DNAJB4: variants seen among roughly 807,000 people sequenced by gnomAD.
The protein encoded by DNAJB4 is DnaJ heat shock protein family (Hsp40) member B4.
DNAJB4 carries 10 observed loss-of-function variants against 26.6 expected under a neutral mutation model. That is an observed-to-expected ratio of 0.38 (90% CI 0.23 to 0.64). The LOEUF (loss-of-function observed/expected upper bound fraction) is 0.64. Among genes scored for constraint, DNAJB4 ranks in the 30% least tolerant of loss-of-function variants. DNAJB4 has a pLI of 0.58. For missense variants in DNAJB4, 328 were observed against 408.2 expected, an observed-to-expected ratio of 0.80 and a Z score of 1.69; for synonymous variants, 136 against 134.8, an observed-to-expected ratio of 1.01 and a Z score of -0.06.
chr1:77,994,067 A>G (rs1660003480), intron 1 of DNAJB4, among the ~76,000 whole-genome samples: 1 of 152,180 alleles, frequency 6.6e-6, no homozygotes, highest in Non-Finnish European at 1.5e-5. Flanking sequence ...AGTATACGAT[A>G]AAGTTAATTC....
At chr1:78,008,968 T>C (rs1660399006) in intron 1 of DNAJB4, among the ~76,000 whole-genome samples, 1 of 152,118 alleles carries the variant, frequency 6.6e-6, no homozygotes, top group Admixed American at 6.5e-5. Context: ...TTTTTTATGC[T>C]TTCCTTATTT....
intron 1 of DNAJB4, among the ~76,000 whole-genome samples, chr1:78,010,024 CT>C (rs1212387516): frequency 2.0e-5 from 3 of 152,172 alleles, no homozygotes; most frequent in Non-Finnish European, 4.4e-5. Flanking sequence ...GCATTGGAGT[CT>C]TTTTATCAGC....
In DNAJB4 at chr1:78,017,772, T is replaced by TTA; in HGVS notation, c.*1526_*1527insAT. On this transcript the variant is annotated 3_prime_UTR_variant, in exon 3 of 3. Transcript: ENST00000370763. ...ATAGACTCAAACAATATATGGCTTT[T>TTA]TTTTTTTTTGGTCTGGCCTCTTTCA... The TTA allele has an allele frequency of 1.3e-5, 2 of 151,876 alleles. No individual in the cohort carries two copies. The highest frequency in any genetic ancestry group is 3.9e-4 in the East Asian group (2 of 5,178). The allele number at this position is 151,876 out of a possible 1,614,324, so 9.4% of individuals were successfully genotyped here. A position where few individuals can be genotyped will look rare whatever the true frequency, so the allele number is the denominator to read the frequency against.
upstream of DNAJB4, chr1:77,979,205 C>G (rs1659371117): frequency 3.5e-6 from 2 of 572,808 alleles, no homozygotes; most frequent in African/African-American, 1.9e-5. Context: ...TGAGAAAGAA[C>G]GACAGGAACA....
intron 1 of DNAJB4, among the ~76,000 whole-genome samples, chr1:77,995,965 A>G (rs1261560718): frequency 1.3e-5 from 2 of 152,192 alleles, no homozygotes; most frequent in Admixed American, 1.3e-4. Context: ...AACAAAACAA[A>G]AAAAGAACTC....
intron 1 of DNAJB4, among the ~76,000 whole-genome samples, chr1:77,989,016 A>G (rs1659868720): frequency 6.6e-6 from 1 of 152,288 alleles, no homozygotes. Flanking sequence ...CATAATTGAC[A>G]TACTGAACTA....
rs866382850 is a variant in DNAJB4 at position 78,008,083 on chromosome 1, G to C, written c.211+2762G>C. Among the ~76,000 whole-genome samples, 3 of 152,186 alleles carry C rather than the reference G, an allele frequency of 2.0e-5. No individual in the cohort carries two copies. In the South Asian group the frequency reaches 6.2e-4, roughly 31 times the overall value. ...TAAAAACAGTTGGCTAGCTGGGTGA[G>C]GTGGCATATGCCTGTAGTCTCAGCT... On this transcript the variant is annotated intron_variant, in intron 1 of 2. Coordinates refer to ENST00000370763, the MANE Select transcript of DNAJB4 (RefSeq NM_007034.5).
At position 78,013,068 on chromosome 1, in the gene DNAJB4, G is replaced by A; in HGVS notation, c.229G>A (p.Gly77Arg). 6.2e-7 allele frequency: 1 copy of A among 1,609,676 alleles called. No homozygotes were observed. Among genetic ancestry groups the A allele is most frequent in the Non-Finnish European group, 8.5e-7 (1 of 1,177,774 alleles). The change falls in exon 2 of 3, where the codon GGA becomes AGA. Residue 77 changes from glycine (G) to arginine (R), a missense_variant. Physicochemically the swap from Gly to Arg is moderately radical, Grantham distance 125 (BLOSUM62 -2). Transcript: ENST00000370763. ...TCAATTAGGGTTGAAAGGAGGAGCA[G>A]GAGGTACTGATGGACAAGGAGGTAC... ...FGEEGLKGGAGGTDGQGGTFR... is the reference protein window; with the variant it reads ...FGEEGLKGGARGTDGQGGTFR...
chr1:77,986,436 C>T (rs1327487364), intron 1 of DNAJB4, among the ~76,000 whole-genome samples: 1 of 152,198 alleles, frequency 6.6e-6, no homozygotes. Context: ...TCCTAATGTA[C>T]TTCTTCCGTT....
chr1:78,007,641 A>G (rs1233422408), intron 1 of DNAJB4, among the ~76,000 whole-genome samples: 1 of 152,232 alleles, frequency 6.6e-6, no homozygotes, highest in Non-Finnish European at 1.5e-5. Context: ...ATTATTTTTT[A>G]GAATTATTCT....
chr1:78,004,985 A>G lies in DNAJB4; in HGVS notation c.-126A>G. 1 of 940,854 alleles carries G rather than the reference A, an allele frequency of 1.1e-6. No individual in the cohort carries two copies. The highest frequency in any genetic ancestry group is 1.6e-5 in the South Asian group (1 of 62,074). The allele number at this position is 940,854 out of a possible 1,614,324, so 58.3% of individuals were successfully genotyped here. A position where few individuals can be genotyped will look rare whatever the true frequency, so the allele number is the denominator to read the frequency against. ...GTCTGCTTGCTGCCTTAAGACAGCT[A>G]GCTGAATTGCTGATTAACTTTTAAA... is the stretch of plus-strand genomic sequence containing the variant. On this transcript the variant is annotated 5_prime_UTR_variant, in exon 1 of 3. Coordinates refer to ENST00000370763, the MANE Select transcript of DNAJB4 (RefSeq NM_007034.5).
intron 1 of DNAJB4, among the ~76,000 whole-genome samples, chr1:77,992,140 G>A (rs564582464): frequency 4.6e-5 from 7 of 152,030 alleles, no homozygotes; most frequent in Non-Finnish European, 8.8e-5. Flanking sequence ...GAGGCCGGGC[G>A]CGGTGGCTCA....
chr1:78,016,430 AAG>A lies in DNAJB4; in HGVS notation c.*187_*188del, dbSNP rs2102618220. The A allele has an allele frequency of 5.2e-6, 3 of 571,514 alleles. No homozygotes were observed. Among genetic ancestry groups the A allele is most frequent in the Admixed American group, 3.4e-5 (1 of 29,658 alleles). 35.4% of individuals were successfully genotyped at this position (571,514 alleles called of 1,614,324 possible). A position where few individuals can be genotyped will look rare whatever the true frequency, so the allele number is the denominator to read the frequency against. On this transcript the variant is annotated 3_prime_UTR_variant, in exon 3 of 3. Coordinates refer to ENST00000370763, the MANE Select transcript of DNAJB4 (RefSeq NM_007034.5). ...AAGGGATTTTTACAGTTAGAGATAA[AAG>A]AGAAAACCATTCACTGTATTTTATT... is the stretch of plus-strand genomic sequence containing the variant.
intron 1 of DNAJB4, among the ~76,000 whole-genome samples, chr1:77,993,723 G>C (rs1305783500): frequency 6.6e-6 from 1 of 152,142 alleles, no homozygotes; most frequent in Non-Finnish European, 1.5e-5. Flanking sequence ...TGGTTGGCTT[G>C]ATATGCTGAT....
chr1:78,017,181 A>G lies in DNAJB4; in HGVS notation c.*934A>G, dbSNP rs1660662475. On this transcript the variant is annotated 3_prime_UTR_variant, in exon 3 of 3. Transcript: ENST00000370763. ...TATGGTGTTAAACCAAAATATAGGGAAAATAAACACTAACTGCTGCTTATG... is the reference window on the plus strand; with the variant it reads ...TATGGTGTTAAACCAAAATATAGGGGAAATAAACACTAACTGCTGCTTATG... The G allele has an allele frequency of 1.3e-5, 2 of 152,082 alleles. No homozygotes were observed. The highest frequency in any genetic ancestry group is 2.9e-5 in the Non-Finnish European group (2 of 67,930). 9.4% of individuals were successfully genotyped at this position (152,082 alleles called of 1,614,324 possible).
upstream of DNAJB4, chr1:77,979,194 C>A (rs2102568557): frequency 1.7e-6 from 1 of 598,144 alleles, no homozygotes; most frequent in South Asian, 2.2e-5. Context: ...TGGGTTAGGG[C>A]TGAGAAAGAA....
At chr1:77,985,313 A>G (rs778345730) in intron 1 of DNAJB4, among the ~76,000 whole-genome samples, 1 of 152,086 alleles carries the variant, frequency 6.6e-6, no homozygotes, top group Non-Finnish European at 1.5e-5. Context: ...GTCTCTATTT[A>G]TAGTAGTGAT....
At chr1:77,988,626 G>T (rs979943936) in intron 1 of DNAJB4, among the ~76,000 whole-genome samples, 2 of 152,086 alleles carry the variant, frequency 1.3e-5, no homozygotes, top group Admixed American at 6.6e-5. Context: ...TCTACCATAT[G>T]GATGCATAGC....
At chr1:78,010,848 G>C (rs1660449086) in intron 1 of DNAJB4, among the ~76,000 whole-genome samples, 2 of 152,144 alleles carry the variant, frequency 1.3e-5, no homozygotes, top group African/African-American at 2.4e-5. Context: ...CGATACTCAA[G>C]ACACCTTTTT....
Sources: allele counts gnomAD v4.1 joint callset (sites outside exome capture counted in the v4.1 genomes callset), GRCh38; gene constraint gnomAD v4.1.1; transcripts MANE v1.5; gene names NCBI Gene and HGNC (gene_info 2026-07-23, HGNC 2026-07-21).